The following MFHAS1 variants were observed in gnomAD, a reference collection of about 807,000 sequenced individuals.
MFHAS1 encodes multifunctional ROCO family signaling regulator 1.
A neutral mutation model predicts 70.4 loss-of-function variants in MFHAS1; 50 were observed. The ratio of observed to expected loss-of-function variants is 0.71; its 90% confidence interval spans 0.57 to 0.90. MFHAS1 has a LOEUF of 0.90. Among genes scored for constraint, MFHAS1 ranks in the 40% least tolerant of loss-of-function variants. The probability of loss-of-function intolerance (pLI) is 0.00; values close to 1 mark genes in which losing one functional copy is unlikely to be tolerated. For missense variants in MFHAS1, 1,795 were observed against 1,347.6 expected (o/e 1.33, Z -5.20); for synonymous variants, 952 against 620.0 (o/e 1.54, Z -7.96).
chr8:8,884,041 A>AACACACAC (rs10660555), intron 1 of MFHAS1, among the ~76,000 whole-genome samples: 116 of 134,166 alleles, frequency 8.6e-4, no homozygotes, highest in South Asian at 3.6e-3. Context: ...CTATTTCACA[A>AACACACAC]ACACACACAC....
chr8:8,803,296 T>C (rs1161677377), intron 1 of MFHAS1, among the ~76,000 whole-genome samples: 3 of 151,028 alleles, frequency 2.0e-5, no homozygotes, highest in Non-Finnish European at 4.4e-5. Flanking sequence ...GGGCAGATCA[T>C]TTGAGGTCAG....
chr8:8,892,167 G>T lies in MFHAS1; in HGVS notation c.892C>A (p.Leu298Met), dbSNP rs755868458. 2 of 1,610,678 alleles carry T rather than the reference G, an allele frequency of 1.2e-6. No individual in the cohort carries two copies. Among genetic ancestry groups the T allele is most frequent in the African/African-American group, 1.3e-5 (1 of 74,942 alleles). ...FPAALLPLAG[L>M]EELYLSRNQL... The stretch of plus-strand genomic sequence containing the variant: ...TTGCGACTAAGGTAGAGCTCCTCCA[G>T]ACCAGCCAGGGGCAGCAGCGCGGCA... Residue 298 changes from leucine (L) to methionine (M), a missense_variant, in exon 1 of 3, where the codon CTG becomes ATG. Physicochemically the swap from Leu to Met is conservative, Grantham distance 15. Coordinates refer to ENST00000276282, the MANE Select transcript of MFHAS1 (RefSeq NM_004225.3). This position sits in a 1 kb window ranked among gnomAD's most constrained non-coding sequence, Gnocchi z 4.7.
At chr8:8,858,657 G>C (rs749458449) in intron 1 of MFHAS1, among the ~76,000 whole-genome samples, 2 of 151,976 alleles carry the variant, frequency 1.3e-5, no homozygotes, top group African/African-American at 2.4e-5. Context: ...TGGGGGGTTG[G>C]GTTCTAGGGC....
At position 8,819,888 on chromosome 8, in the gene MFHAS1, C is replaced by T. The variant is rs76641696; in HGVS notation, c.2999-22397G>A. Among the ~76,000 whole-genome samples, 421 of 152,138 alleles carry T rather than the reference C, an allele frequency of 2.8e-3. 4 individuals are homozygous for T. The highest frequency in any genetic ancestry group is 9.7e-3 in the African/African-American group (401 of 41,518). ...TGACTTTTTCTATTTTTGATAGAGA[C>T]GGGGTCTTTACATTACCCAGGCTGG... On this transcript the variant is annotated intron_variant, in intron 1 of 2. Transcript: ENST00000276282.
intron 1 of MFHAS1, among the ~76,000 whole-genome samples, chr8:8,801,477 T>C (rs1806082287): frequency 6.6e-6 from 1 of 152,218 alleles, no homozygotes; most frequent in Non-Finnish European, 1.5e-5. Context: ...AGCATGTTTG[T>C]ATACTCCAAC....
rs771135733 is a variant in MFHAS1 at position 8,892,941 on chromosome 8, AG to A, written c.117del (p.Cys40AlafsTer29). The A allele has an allele frequency of 6.5e-7, 1 of 1,548,010 alleles. No individual in the cohort carries two copies. The highest frequency in any genetic ancestry group is 1.4e-5 in the African/African-American group (1 of 70,848). ...AGCGCGTCGGCCCCGGCCCCGGGGCAGGCCCCGGCGGCGGTAAGCGTGAGCT... is the reference window on the plus strand; with the variant it reads ...AGCGCGTCGGCCCCGGCCCCGGGGCAGCCCCGGCGGCGGTAAGCGTGAGCT... ...LRQLTLTAAG[A>X]CPGAGADALE... On this transcript the variant is annotated frameshift_variant, in exon 1 of 3. Coordinates refer to ENST00000276282, the MANE Select transcript of MFHAS1 (RefSeq NM_004225.3). LOFTEE classifies it high-confidence loss of function. The surrounding 1 kb of genome is among the most constrained non-coding windows in gnomAD (Gnocchi z 4.7).
At chr8:8,879,662 T>C (rs1412376086) in intron 1 of MFHAS1, among the ~76,000 whole-genome samples, 3 of 152,140 alleles carry the variant, frequency 2.0e-5, no homozygotes, top group Non-Finnish European at 2.9e-5. Context: ...AAAGTAACAT[T>C]CAAATATGCA....
chr8:8,870,948 C>T lies in MFHAS1; in HGVS notation c.2998+19113G>A, dbSNP rs535848008. ...TTTTTTCTTTTTTTGGTGACAGGAG[C>T]GTCACTCTGTTGCCCAGGCTGGAGT... On this transcript the variant is annotated intron_variant, in intron 1 of 2. Coordinates refer to ENST00000276282, the MANE Select transcript of MFHAS1 (RefSeq NM_004225.3). Among the ~76,000 whole-genome samples, 150 of 152,246 alleles carry T rather than the reference C, an allele frequency of 9.9e-4. 2 individuals carry two copies. The highest frequency in any genetic ancestry group is 2.0e-3 in the Non-Finnish European group (136 of 68,018).
chr8:8,812,655 G>C (rs1352659988), intron 1 of MFHAS1, among the ~76,000 whole-genome samples: 1 of 152,212 alleles, frequency 6.6e-6, no homozygotes, highest in African/African-American at 2.4e-5. Flanking sequence ...GTCTTGGCGG[G>C]AAGGGGTAAT....
At chr8:8,827,477 C>T (rs533812937) in intron 1 of MFHAS1, among the ~76,000 whole-genome samples, 1 of 152,190 alleles carries the variant, frequency 6.6e-6, no homozygotes, top group Non-Finnish European at 1.5e-5. Flanking sequence ...AACAATGAGA[C>T]CTCTTTATTT....
rs1293156545 is a variant in MFHAS1 at position 8,891,536 on chromosome 8, T to A, written c.1523A>T (p.Glu508Val). 6.2e-7 allele frequency: 1 copy of A among 1,612,990 alleles called. No individual in the cohort carries two copies. Among genetic ancestry groups the A allele is most frequent in the Non-Finnish European group, 8.5e-7 (1 of 1,180,016 alleles). The change falls in exon 1 of 3, where the codon GAG becomes GTG. Residue 508 changes from glutamate to valine, a missense_variant. Transcript: ENST00000276282. This position sits in a 1 kb window ranked among gnomAD's most constrained non-coding sequence, Gnocchi z 5.4. ...YVLVVNLATY[E>V]PRHFPTTVGS... ...CACGGTGGTAGGAAAGTGGCGAGGC[T>A]CATAGGTGGCCAAGTTGACCACCAG...
At chr8:8,877,017 G>C (rs1809323251) in intron 1 of MFHAS1, among the ~76,000 whole-genome samples, 1 of 151,936 alleles carries the variant, frequency 6.6e-6, no homozygotes, top group South Asian at 2.1e-4. Context: ...TGGTGGTCCA[G>C]GGCTGGGCGC....
Position 8,827,519 on chromosome 8 carries a change from C to G in MFHAS1, c.2999-30028G>C, listed in dbSNP as rs117163397. On this transcript the variant is annotated intron_variant, in intron 1 of 2. Coordinates refer to ENST00000276282, the MANE Select transcript of MFHAS1 (RefSeq NM_004225.3). ...GCATTTTTAAACAAAGTGAAGTTTA[C>G]TATGTTTTCACAAGCTCACTTCTAG... Among the ~76,000 whole-genome samples, 100 of 152,302 alleles carry G rather than the reference C, an allele frequency of 6.6e-4. 1 individual carries two copies. The East Asian group carries it at 0.017, about 26-fold the overall frequency.
intron 1 of MFHAS1, among the ~76,000 whole-genome samples, chr8:8,815,023 GC>G (rs902955270): frequency 6.6e-6 from 1 of 151,644 alleles, no homozygotes; most frequent in Admixed American, 6.6e-5. Context: ...CTTTCTCACC[GC>G]CCCCCACACA....
intron 1 of MFHAS1, among the ~76,000 whole-genome samples, chr8:8,856,590 T>C (rs1027263629): frequency 6.6e-6 from 1 of 152,288 alleles, no homozygotes; most frequent in South Asian, 2.1e-4. Context: ...AGACTCTAAA[T>C]TGGGAAATTA....
intron 1 of MFHAS1, among the ~76,000 whole-genome samples, chr8:8,880,041 C>T (rs760480123): frequency 3.3e-5 from 5 of 152,298 alleles, no homozygotes; most frequent in African/African-American, 4.8e-5. Flanking sequence ...TTACGGAGCT[C>T]GTGTATGTCA....
intron 1 of MFHAS1, among the ~76,000 whole-genome samples, chr8:8,802,536 T>C (rs977540009): frequency 6.6e-6 from 1 of 152,238 alleles, no homozygotes; most frequent in Non-Finnish European, 1.5e-5. Flanking sequence ...CCAAATCTGC[T>C]GGTGCCTTGA....
chr8:8,799,198 A>T (rs928735188), intron 1 of MFHAS1, among the ~76,000 whole-genome samples: 1 of 152,226 alleles, frequency 6.6e-6, no homozygotes, highest in African/African-American at 2.4e-5. Flanking sequence ...GTTTTTGCCT[A>T]TAAGTAGATA....
chr8:8,875,693 C>T (rs1352202253), intron 1 of MFHAS1, among the ~76,000 whole-genome samples: 1 of 152,122 alleles, frequency 6.6e-6, no homozygotes, highest in Non-Finnish European at 1.5e-5. Context: ...TGGGTTCAAG[C>T]GATTCTCCTG....
Sources: allele counts gnomAD v4.1 joint callset (sites outside exome capture counted in the v4.1 genomes callset), GRCh38; gene constraint gnomAD v4.1.1; non-coding constraint Gnocchi (gnomAD v3.1); transcripts MANE v1.5; gene names NCBI Gene and HGNC (gene_info 2026-07-23, HGNC 2026-07-21).